Variants in KRT1 observed in about 807,000 individuals in gnomAD.
The protein encoded by KRT1 is keratin 1.
In KRT1, 28 loss-of-function variants were observed where a neutral mutation model predicts 51.6. That is an observed-to-expected ratio of 0.54 (90% CI 0.40 to 0.74). The LOEUF is 0.74. Among genes scored for constraint, KRT1 ranks in the 30% least tolerant of loss-of-function variants. KRT1 has a pLI of 0.00. For missense variants in KRT1, 783 were observed against 815.5 expected, an observed-to-expected ratio of 0.96 and a Z score of 0.49; for synonymous variants, 301 against 307.7, an observed-to-expected ratio of 0.98 and a Z score of 0.23.
At position 52,678,223 on chromosome 12, in the gene KRT1, C is replaced by T; in HGVS notation, c.807G>A (p.Lys269=). ...TCCGCTTGTTGATTTCATCCTCATACCTGCAGGAAAGCAGAAACAATTAGG... is the reference window on the plus strand; with the variant it reads ...TCCGCTTGTTGATTTCATCCTCATATCTGCAGGAAAGCAGAAACAATTAGG... ...MQDMVEDYRN[K]YEDEINKRTN... The change falls in exon 3 of 9, where the codon AAG becomes AAA. Residue 269 remains lysine, a splice_region_variant and synonymous_variant. Coordinates refer to ENST00000252244, the MANE Select transcript of KRT1 (RefSeq NM_006121.4). 1 of 1,614,022 alleles carries T rather than the reference C, an allele frequency of 6.2e-7. No individual in the cohort carries two copies. Among genetic ancestry groups the T allele is most frequent in the South Asian group, 1.1e-5 (1 of 91,064 alleles).
At chr12:52,679,737 T>C (rs200353241) in intron 1 of KRT1, 21 bp downstream of exon 1, 269 of 1,605,552 alleles carry the variant, frequency 1.7e-4, no homozygotes, top group Non-Finnish European at 2.1e-4. Flanking sequence ...GCCCTACCAG[T>C]GCAATGAGAG....
intron 1 of KRT1, among the ~76,000 whole-genome samples, chr12:52,679,553 C>T (rs1270786074): frequency 1.3e-5 from 2 of 152,188 alleles, no homozygotes; most frequent in African/African-American, 4.8e-5. Context: ...ACCTTTAGGT[C>T]GACCACGAAC....
At position 52,677,170 on chromosome 12, in the gene KRT1, C is replaced by A; in HGVS notation, c.1143G>T (p.Gln381His). The change falls in exon 6 of 9, where the codon CAG becomes CAT. Residue 381 changes from glutamine (Q) to histidine (H), a missense_variant. Coordinates refer to ENST00000252244, the MANE Select transcript of KRT1 (RefSeq NM_006121.4). The stretch of plus-strand genomic sequence containing the variant: ...TATCCCCATGTCTGCCAGCAGTGAT[C>A]TGCAGCTCTTCATACTAAAGATGGT... ...SLYQSKYEEL[Q>H]ITAGRHGDSV... 1 of 1,614,226 alleles carries A rather than the reference C, an allele frequency of 6.2e-7. No homozygotes were observed.
intron 7 of KRT1, 79 bp from the exon 8 acceptor site, chr12:52,675,823 G>A (rs1375281654): frequency 2.0e-6 from 3 of 1,531,722 alleles, no homozygotes; most frequent in East Asian, 4.6e-5. Flanking sequence ...CCACCACCTT[G>A]AAGACTTTCC....
chr12:52,675,320 C>G lies in KRT1; in HGVS notation c.1808G>C (p.Gly603Ala). The G allele has an allele frequency of 1.2e-6, 2 of 1,612,260 alleles. No homozygotes were observed. The highest frequency in any genetic ancestry group is 1.3e-5 in the African/African-American group (1 of 74,990). The change falls in exon 9 of 9, where the codon GGC (glycine) becomes GCC (alanine). Residue 603 changes from glycine (G) to alanine (A), a missense_variant. Coordinates refer to ENST00000252244, the MANE Select transcript of KRT1 (RefSeq NM_006121.4). Reference sequence around the variant, plus strand: ...GCCTCCAGAGCTCCCGCCGCCAGAGCCCCGGCCGCCAGAGCTGCCGCCGCC... The same window carrying G: ...GCCTCCAGAGCTCCCGCCGCCAGAGGCCCGGCCGCCAGAGCTGCCGCCGCC... ...GGGGGSSGGR[G>A]SGGGSSGGSI...
Position 52,675,087 on chromosome 12 carries a change from G to A in KRT1, c.*106C>T. ...GGATGAGCTAGTGTAACTAACCATAGCTCTTTTCTCCGGTAAGGCTGGGAC... is the reference window on the plus strand; with the variant it reads ...GGATGAGCTAGTGTAACTAACCATAACTCTTTTCTCCGGTAAGGCTGGGAC... On this transcript the variant is annotated 3_prime_UTR_variant, in exon 9 of 9. Coordinates refer to ENST00000252244, the MANE Select transcript of KRT1 (RefSeq NM_006121.4). 3 of 1,388,526 alleles carry A rather than the reference G, an allele frequency of 2.2e-6. No homozygotes were observed. The highest frequency in any genetic ancestry group is 1.4e-5 in the African/African-American group (1 of 70,788). The allele number at this position is 1,388,526 out of a possible 1,614,324, so 86.0% of individuals were successfully genotyped here. A position where few individuals can be genotyped will look rare whatever the true frequency, so the allele number is the denominator to read the frequency against.
intron 3 of KRT1, 81 bp downstream of exon 3, chr12:52,678,082 G>A (rs1182973218): frequency 7.3e-7 from 1 of 1,366,920 alleles, no homozygotes; most frequent in Non-Finnish European, 1.0e-6. Flanking sequence ...TCCATATCAT[G>A]GCTGCTTTCT....
intron 7 of KRT1, among the ~76,000 whole-genome samples, chr12:52,675,945 A>G (rs545498394): frequency 1.3e-5 from 2 of 152,142 alleles, no homozygotes; most frequent in East Asian, 1.9e-4. Flanking sequence ...AAATTCCCAT[A>G]TAAACGAGAC....
rs189087382 is a variant in KRT1 at position 52,680,369 on chromosome 12, G to A, written c.-21C>T. 1,799 of 1,604,558 alleles carry A rather than the reference G, an allele frequency of 1.1e-3. 7 individuals are homozygous for A. The highest frequency in any genetic ancestry group is 2.4e-3 in the South Asian group (216 of 90,900). On this transcript the variant is annotated 5_prime_UTR_variant, in exon 1 of 9. Coordinates refer to ENST00000252244, the MANE Select transcript of KRT1 (RefSeq NM_006121.4). ...CTCATGTTGACTTAGAGAAAAGTAGGAGCAAGGTAGAGTAAGGGAAGGAGC... is the reference window on the plus strand; with the variant it reads ...CTCATGTTGACTTAGAGAAAAGTAGAAGCAAGGTAGAGTAAGGGAAGGAGC...
intron 2 of KRT1, 43 bp from the exon 3 acceptor site, chr12:52,678,266 G>C (rs551449372): frequency 2.5e-6 from 4 of 1,593,528 alleles, no homozygotes; most frequent in Non-Finnish European, 2.6e-6. Context: ...GAGGTGGTAA[G>C]ACCTGAAGTC....
rs1024194340 is a variant in KRT1, at chr12:52,677,377, G to A, written c.1067C>T (p.Ala356Val). The change falls in exon 5 of 9, where the codon GCC becomes GTC. Residue 356 changes from alanine (A) to valine (V), a missense_variant. Ala to Val is a moderately conservative substitution (Grantham distance 64). Transcript: ENST00000252244. ...CTTCTGGGCTATATCCTCGTACTGG[G>A]CCTTGACCTCAGCAATGATGCTGTC... ...DLDSIIAEVK[A>V]QYEDIAQKSK... 6.2e-7 allele frequency: 1 copy of A among 1,614,194 alleles called. No individual in the cohort carries two copies. The highest frequency in any genetic ancestry group is 1.1e-5 in the South Asian group (1 of 91,082).
chr12:52,678,138 G>T (rs1941538164), intron 3 of KRT1, 25 bp downstream of exon 3: 1 of 1,610,910 alleles, frequency 6.2e-7, no homozygotes, highest in Non-Finnish European at 8.5e-7. Flanking sequence ...TCAAATGTGA[G>T]TTCCGTCCTA....
In KRT1 at chr12:52,680,020, C is replaced by A; in HGVS notation, c.329G>T (p.Gly110Val). ...GCCACCACCCCCAATGCCACCTCCA[C>A]CAAAGCCACCACCACCAAAGCCACC... ...GGGGFGGGGF[G>V]GGGIGGGGFG... The change falls in exon 1 of 9, where the codon GGT becomes GTT. Residue 110 changes from glycine to valine, a missense_variant. Transcript: ENST00000252244. 1.9e-6 allele frequency: 3 copies of A among 1,557,194 alleles called. No homozygotes were observed. Among genetic ancestry groups the A allele is most frequent in the Non-Finnish European group, 2.6e-6 (3 of 1,149,612 alleles).
rs539036763 is a variant in KRT1, at chr12:52,677,324, G to C, written c.1120C>G (p.Gln374Glu). 45 of 1,614,124 alleles carry C rather than the reference G, an allele frequency of 2.8e-5. No individual in the cohort carries two copies. The South Asian group carries it at 4.4e-4, about 16-fold the overall frequency. The change falls in exon 5 of 9, where the codon CAG becomes GAG. Residue 374 changes from glutamine to glutamate, a missense_variant. Coordinates refer to ENST00000252244, the MANE Select transcript of KRT1 (RefSeq NM_006121.4). ...GCTTTCAGCCCACTCACCTTGCTCT[G>C]GTACAAGGACTCGGCCTCAGCTTTG... ...KSKAEAESLY[Q>E]SKYEELQITA...
intron 6 of KRT1, among the ~76,000 whole-genome samples, 199 bp downstream of exon 6, chr12:52,676,860 G>A (rs994643135): frequency 1.3e-5 from 2 of 152,150 alleles, no homozygotes; most frequent in African/African-American, 2.4e-5. Flanking sequence ...TCTCTACTAG[G>A]CCATTCTCAC....
chr12:52,675,098 C>T lies in KRT1; in HGVS notation c.*95G>A, dbSNP rs144520865. 456 of 1,477,754 alleles carry T rather than the reference C, an allele frequency of 3.1e-4. 4 individuals carry two copies. In the East Asian group the frequency reaches 9.5e-3, roughly 31 times the overall value. The allele number at this position is 1,477,754 out of a possible 1,614,324, so 91.5% of individuals were successfully genotyped here. The stretch of plus-strand genomic sequence containing the variant: ...TGTAACTAACCATAGCTCTTTTCTC[C>T]GGTAAGGCTGGGACAAATCGACCTC... On this transcript the variant is annotated 3_prime_UTR_variant, in exon 9 of 9. Coordinates refer to ENST00000252244, the MANE Select transcript of KRT1 (RefSeq NM_006121.4).
chr12:52,674,849 G>A lies in KRT1; in HGVS notation c.*344C>T, dbSNP rs11170231. 0.11 allele frequency: 50,675 copies of A among 446,578 alleles called. 3,812 individuals are homozygous for A. Among genetic ancestry groups the A allele is most frequent in the Non-Finnish European group, 0.15 (37,423 of 242,996 alleles). 27.7% of individuals were successfully genotyped at this position (446,578 alleles called of 1,614,324 possible). A position where few individuals can be genotyped will look rare whatever the true frequency, so the allele number is the denominator to read the frequency against. ...ATGTACAAAACCAAAACAGCACAGA[G>A]ATAAGATGCTAAGGAGCTGTCCACA... is the stretch of plus-strand genomic sequence containing the variant. On this transcript the variant is annotated 3_prime_UTR_variant, in exon 9 of 9. Transcript: ENST00000252244.
In KRT1 at chr12:52,675,309, C is replaced by G. The variant is rs1420204921; in HGVS notation, c.1819G>C (p.Gly607Arg). 18 of 1,612,658 alleles carry G rather than the reference C, an allele frequency of 1.1e-5. No homozygotes were observed. The highest frequency in any genetic ancestry group is 1.4e-5 in the Non-Finnish European group (17 of 1,179,848). Residue 607 changes from glycine (G) to arginine (R), a missense_variant, in exon 9 of 9, where the codon GGG becomes CGG. By Grantham distance (125) the Gly-to-Arg change is moderately radical. Coordinates refer to ENST00000252244, the MANE Select transcript of KRT1 (RefSeq NM_006121.4). ...CCTCCTATGGAGCCTCCAGAGCTCC[C>G]GCCGCCAGAGCCCCGGCCGCCAGAG... is the stretch of plus-strand genomic sequence containing the variant. ...GSSGGRGSGGGSSGGSIGGRG... is the reference protein window; with the variant it reads ...GSSGGRGSGGRSSGGSIGGRG...
rs1406692751 is a variant in KRT1 at position 52,678,634 on chromosome 12, G to T, written c.714C>A (p.Leu238=). 6.2e-7 allele frequency: 1 copy of T among 1,614,188 alleles called. No homozygotes were observed. Among genetic ancestry groups the T allele is most frequent in the Non-Finnish European group, 8.5e-7 (1 of 1,180,036 alleles). Residue 238 remains leucine, a synonymous_variant, in exon 2 of 9, where the codon CTC becomes CTA. Transcript: ENST00000252244. ...EPYFESFINN[L]RRRVDQLKSD... ...TCTTCAGTTGGTCCACTCTCCTTCG[G>T]AGATTGTTGATGAATGACTCAAAGT...
Sources: allele counts gnomAD v4.1 joint callset (sites outside exome capture counted in the v4.1 genomes callset), GRCh38; gene constraint gnomAD v4.1.1; transcripts MANE v1.5; gene names NCBI Gene and HGNC (gene_info 2026-07-23, HGNC 2026-07-21).